The following TUBD1 variants were observed in gnomAD, a reference collection of about 807,000 sequenced individuals.
TUBD1 encodes the protein tubulin delta chain.
A neutral mutation model predicts 51.2 loss-of-function variants in TUBD1; 38 were observed. The ratio of observed to expected loss-of-function variants is 0.74; its 90% CI spans 0.57 to 0.97. TUBD1 has a LOEUF of 0.97. TUBD1 is among the 50% of genes least tolerant of loss of function. The pLI is 0.00. For missense variants in TUBD1, 489 were observed against 538.4 expected (o/e 0.91, Z 0.91); for synonymous variants, 169 against 178.2 (o/e 0.95, Z 0.41).
At position 59,874,546 on chromosome 17, in the gene TUBD1, C is replaced by T; in HGVS notation, c.927G>A (p.Met309Ile). Residue 309 changes from methionine (M) to isoleucine (I), a missense_variant, in exon 6 of 9, where the codon ATG becomes ATA. Met to Ile is a conservative substitution (Grantham distance 10). Transcript: ENST00000325752. ...LRQMLISNAK[M>I]EEGIDRHVWP... ...TTTTGGACTACTCTTTACCTTCTTC[C>T]ATCTTTGCATTAGAAATGAGCATCT... 6.2e-7 allele frequency: 1 copy of T among 1,610,204 alleles called. No homozygotes were observed.
At chr17:59,881,966 G>T (rs971456665) in intron 3 of TUBD1, among the ~76,000 whole-genome samples, 1 of 152,060 alleles carries the variant, frequency 6.6e-6, no homozygotes, top group African/African-American at 2.4e-5. Context: ...ACTGCGCCTG[G>T]CCGCTTTTAC....
intron 5 of TUBD1, among the ~76,000 whole-genome samples, chr17:59,875,675 G>A (rs1004624490): frequency 4.0e-5 from 6 of 151,270 alleles, no homozygotes; most frequent in Admixed American, 3.3e-4. Context: ...CGGGAGAATC[G>A]CTTGAACCCG....
At chr17:59,881,810 C>A (rs2040502865) in intron 3 of TUBD1, among the ~76,000 whole-genome samples, 1 of 151,832 alleles carries the variant, frequency 6.6e-6, no homozygotes, top group Non-Finnish European at 1.5e-5. Flanking sequence ...GCTGGGATTA[C>A]AGATGCCCGA....
intron 2 of TUBD1, among the ~76,000 whole-genome samples, chr17:59,887,528 T>C (rs962625749): frequency 6.6e-6 from 1 of 152,034 alleles, no homozygotes; most frequent in African/African-American, 2.4e-5. Flanking sequence ...GAGCAGAGGA[T>C]GGAGAAGGAG....
intron 6 of TUBD1, among the ~76,000 whole-genome samples, chr17:59,873,017 C>G (rs1460840674): frequency 4.6e-5 from 7 of 151,976 alleles, no homozygotes; most frequent in Non-Finnish European, 8.8e-5. Context: ...CCCACCTCAA[C>G]CTCCCAAAGT....
rs2039343102 is a variant in TUBD1, at chr17:59,859,651, A to G, written c.*671T>C. On this transcript the variant is annotated 3_prime_UTR_variant, in exon 9 of 9. Coordinates refer to ENST00000325752, the MANE Select transcript of TUBD1 (RefSeq NM_016261.4). The stretch of plus-strand genomic sequence containing the variant: ...GTTCAAAGCATTCATTTCAAACATG[A>G]ATATATTAAGTACAGAATTACAATT... 1 of 152,612 alleles carries G rather than the reference A, an allele frequency of 6.6e-6. No homozygotes were observed. The highest frequency in any genetic ancestry group is 2.1e-4 in the South Asian group (1 of 4,826). The allele number at this position is 152,612 out of a possible 1,614,324, so 9.5% of individuals were successfully genotyped here.
At chr17:59,863,631 AAAG>A (rs1485261614) in intron 8 of TUBD1, 30 bp downstream of exon 8, 1 of 1,454,472 alleles carries the variant, frequency 6.9e-7, no homozygotes, top group Non-Finnish European at 9.1e-7. Context: ...AAAAAAAAAA[AAAG>A]AAAGGTTTGT....
rs371419350 is a variant in TUBD1, at chr17:59,881,014, T to C, written c.417A>G (p.Ile139Met). The C allele has an allele frequency of 4.6e-5, 74 of 1,614,024 alleles. No homozygotes were observed. Among genetic ancestry groups the C allele is most frequent in the Non-Finnish European group, 6.1e-5 (72 of 1,180,022 alleles). Residue 139 changes from isoleucine (I) to methionine (M), a missense_variant, in exon 4 of 9, where the codon ATA becomes ATG. Coordinates refer to ENST00000325752, the MANE Select transcript of TUBD1 (RefSeq NM_016261.4). ...ATCCTGTGCCCCCAGCCATACTCAT[T>C]ATGATGAAAAAACCACTGAAAGAGT... ...KCDSFSGFFI[I>M]MSMAGGTGSG...
At chr17:59,862,714 ATTTTTTTTTTTTTT>A (rs71145582) in intron 8 of TUBD1, among the ~76,000 whole-genome samples, 27 of 56,980 alleles carry the variant, frequency 4.7e-4, no homozygotes, top group South Asian at 1.8e-3. Context: ...TAATTTTTGT[ATTTTTTTTTTTTTT>A]TTTTTTTTTT....
chr17:59,889,985 A>AG (rs1389171530), intron 2 of TUBD1, among the ~76,000 whole-genome samples: 3 of 150,762 alleles, frequency 2.0e-5, no homozygotes, highest in African/African-American at 7.3e-5. Context: ...AAAAAAAAAA[A>AG]AAGAGAGACA....
In TUBD1 at chr17:59,891,058, T is replaced by A; in HGVS notation, c.-39-17A>T. The stretch of plus-strand genomic sequence containing the variant: ...AAAAACAACCTGTAATCGAAAAAAA[T>A]ACGCTTTGAGAACCACTACATTACT... On this transcript the variant is annotated splice_polypyrimidine_tract_variant and intron_variant, in intron 1 of 8. Coordinates refer to ENST00000325752, the MANE Select transcript of TUBD1 (RefSeq NM_016261.4). The A allele has an allele frequency of 7.1e-7, 1 of 1,414,180 alleles. No individual in the cohort carries two copies. Among genetic ancestry groups the A allele is most frequent in the Non-Finnish European group, 9.7e-7 (1 of 1,031,082 alleles). The allele number at this position is 1,414,180 out of a possible 1,614,324, so 87.6% of individuals were successfully genotyped here. A position where few individuals can be genotyped will look rare whatever the true frequency, so the allele number is the denominator to read the frequency against.
chr17:59,864,519 T>G (rs1210230872), intron 7 of TUBD1, among the ~76,000 whole-genome samples: 1 of 152,098 alleles, frequency 6.6e-6, no homozygotes, highest in African/African-American at 2.4e-5. Flanking sequence ...TTGTTTTGTT[T>G]TGAGACAGGA....
intron 4 of TUBD1, among the ~76,000 whole-genome samples, chr17:59,879,266 C>T (rs1238482844): frequency 1.6e-4 from 5 of 31,866 alleles, no homozygotes; most frequent in Non-Finnish European, 3.1e-4. Context: ...AAAACTCTGT[C>T]TCAAAAAAAA....
At chr17:59,881,540 G>A (rs2040488334) in intron 3 of TUBD1, among the ~76,000 whole-genome samples, 1 of 152,142 alleles carries the variant, frequency 6.6e-6, no homozygotes, top group East Asian at 1.9e-4. Context: ...TTTCATAGCT[G>A]TACTTATTTT....
At chr17:59,890,795 A>T in intron 2 of TUBD1, 36 bp downstream of exon 2, 1 of 1,542,352 alleles carries the variant, frequency 6.5e-7, no homozygotes, top group South Asian at 1.3e-5. Context: ...GGTTGGTTAG[A>T]TCAGAGTAAA....
In TUBD1 at chr17:59,892,937, A is replaced by C; in HGVS notation, c.-280T>G. ...CACTGTCCACCGAACGCTCCAGCTG[A>C]CAATGCGCATGCTCTAGTCCTCCAA... On this transcript the variant is annotated 5_prime_UTR_variant, in exon 1 of 9. Coordinates refer to ENST00000325752, the MANE Select transcript of TUBD1 (RefSeq NM_016261.4). 1 of 533,032 alleles carries C rather than the reference A, an allele frequency of 1.9e-6. No homozygotes were observed. The highest frequency in any genetic ancestry group is 3.4e-6 in the Non-Finnish European group (1 of 296,440). The allele number at this position is 533,032 out of a possible 1,614,324, so 33.0% of individuals were successfully genotyped here.
chr17:59,860,362 G>A lies in TUBD1; in HGVS notation c.1322C>T (p.Thr441Met), dbSNP rs747386992. 11 of 1,611,518 alleles carry A rather than the reference G, an allele frequency of 6.8e-6. No individual in the cohort carries two copies. In the South Asian group the frequency reaches 8.8e-5, roughly 13 times the overall value. The change falls in exon 9 of 9, where the codon ACG (threonine) becomes ATG (methionine). Residue 441 changes from threonine (T) to methionine (M), a missense_variant. Transcript: ENST00000325752. ...IEEEDFLDSF[T>M]SLEQVVASYC... ...ACTGGCAACAACCTGCTCTAATGAC[G>A]TGAAACTGTCTAAAAAGTCCTCTTC...
chr17:59,866,573 A>C, intron 7 of TUBD1, 36 bp downstream of exon 7: 1 of 1,611,072 alleles, frequency 6.2e-7, no homozygotes, highest in South Asian at 1.1e-5. Flanking sequence ...GTACAGGTAC[A>C]AAATGTAAAT....
chr17:59,875,995 A>T (rs1373510841), intron 5 of TUBD1, among the ~76,000 whole-genome samples: 1 of 152,208 alleles, frequency 6.6e-6, no homozygotes, highest in African/African-American at 2.4e-5. Context: ...CATAATGTAC[A>T]TCCTAAAGAA....
Sources: allele counts gnomAD v4.1 joint callset (sites outside exome capture counted in the v4.1 genomes callset), GRCh38; gene constraint gnomAD v4.1.1; transcripts MANE v1.5; gene names NCBI Gene and HGNC (gene_info 2026-07-23, HGNC 2026-07-21).